PDE4B: variants seen among roughly 807,000 people sequenced by gnomAD.
PDE4B encodes phosphodiesterase 4B.
Under a neutral mutation model 82.2 loss-of-function variants are expected in PDE4B, and 20 were observed. The observed-to-expected ratio is 0.24, with a 90% CI of 0.17 to 0.35. The LOEUF (loss-of-function observed/expected upper bound fraction) is 0.35. PDE4B is among the 10% of genes least tolerant of loss of function. The pLI is 1.00. For missense variants in PDE4B, 655 were observed against 907.2 expected (o/e 0.72, Z 3.57); for synonymous variants, 320 against 318.9 (o/e 1.00, Z -0.04).
At chr1:66,022,549 C>T (rs1256745380) in intron 3 of PDE4B, among the ~76,000 whole-genome samples, 1 of 152,140 alleles carries the variant, frequency 6.6e-6, no homozygotes, top group South Asian at 2.1e-4. Context: ...GCCCTTTCTG[C>T]ATCTATTGTG....
intron 3 of PDE4B, among the ~76,000 whole-genome samples, chr1:66,244,280 ATGT>A (rs1367553622): frequency 2.6e-5 from 4 of 152,162 alleles, no homozygotes; most frequent in African/African-American, 9.7e-5. Context: ...GCTAGTAATG[ATGT>A]TGTTCTTTTC....
chr1:65,795,726 G>A (rs1388320884), intron 1 of PDE4B, among the ~76,000 whole-genome samples: 2 of 152,220 alleles, frequency 1.3e-5, no homozygotes, highest in African/African-American at 4.8e-5. Flanking sequence ...TAGCTCTGGA[G>A]CTCCCTGAGG....
chr1:66,048,865 A>C (rs1439616406), intron 3 of PDE4B: 1 of 152,018 alleles, frequency 6.6e-6, no homozygotes, highest in South Asian at 2.1e-4. Context: ...ACATATCAGT[A>C]AGTGAGTGAT....
intron 7 of PDE4B, among the ~76,000 whole-genome samples, chr1:66,276,663 G>A (rs1018791577): frequency 2.0e-5 from 3 of 152,170 alleles, no homozygotes; most frequent in African/African-American, 7.2e-5. Flanking sequence ...TTTAATAAAC[G>A]TGTTAAATTC....
intron 3 of PDE4B, among the ~76,000 whole-genome samples, chr1:66,006,485 C>A (rs1652157746): frequency 6.6e-6 from 1 of 152,174 alleles, no homozygotes; most frequent in Non-Finnish European, 1.5e-5. Context: ...GTGGTTTGCA[C>A]CTGTAATTCC....
chr1:66,151,323 T>A (rs1224690694), intron 3 of PDE4B, among the ~76,000 whole-genome samples: 1 of 152,168 alleles, frequency 6.6e-6, no homozygotes, highest in Non-Finnish European at 1.5e-5. Context: ...ATCTCATTAG[T>A]CTGGTTAATG....
At chr1:66,202,358 T>C (rs1270153741) in intron 3 of PDE4B, among the ~76,000 whole-genome samples, 1 of 152,218 alleles carries the variant, frequency 6.6e-6, no homozygotes, top group Non-Finnish European at 1.5e-5. Flanking sequence ...AGATATCTAT[T>C]AGGTCCACTT....
At chr1:65,811,086 T>G (rs185080137) in intron 1 of PDE4B, among the ~76,000 whole-genome samples, 46 of 152,322 alleles carry the variant, frequency 3.0e-4, no homozygotes, top group African/African-American at 1.1e-3. Context: ...CCAAAAATGC[T>G]TCAGACATTA....
chr1:65,830,615 C>T (rs542302132), intron 1 of PDE4B, among the ~76,000 whole-genome samples: 1 of 152,264 alleles, frequency 6.6e-6, no homozygotes, highest in South Asian at 2.1e-4. Context: ...AATTGAGCAA[C>T]ATTCTACAAA....
chr1:66,315,360 C>A (rs561703278), intron 7 of PDE4B, among the ~76,000 whole-genome samples: 5 of 152,314 alleles, frequency 3.3e-5, no homozygotes, highest in African/African-American at 1.2e-4. Context: ...GAAAATTCCA[C>A]ACTCAACCCC....
intron 7 of PDE4B, among the ~76,000 whole-genome samples, chr1:66,303,436 G>A (rs891989626): frequency 2.0e-5 from 3 of 151,390 alleles, no homozygotes; most frequent in African/African-American, 7.3e-5. Context: ...TAGACTTTTT[G>A]TTTATGGTAA....
intron 3 of PDE4B, among the ~76,000 whole-genome samples, chr1:66,105,176 G>A (rs1025253778): frequency 6.7e-6 from 1 of 149,770 alleles, no homozygotes; most frequent in Non-Finnish European, 1.5e-5. Context: ...AGTTTTCCCA[G>A]CACCATTTAT....
chr1:66,177,328 C>T (rs1166422805), intron 3 of PDE4B, among the ~76,000 whole-genome samples: 1 of 152,098 alleles, frequency 6.6e-6, no homozygotes, highest in Non-Finnish European at 1.5e-5. Flanking sequence ...TAATATATGC[C>T]AAATGGTTAG....
intron 3 of PDE4B, among the ~76,000 whole-genome samples, chr1:66,155,860 TATC>T (rs1646493249): frequency 1.3e-5 from 2 of 152,220 alleles, no homozygotes; most frequent in South Asian, 4.1e-4. Flanking sequence ...TACTGACATT[TATC>T]ATCTAAATTC....
At position 66,283,858 on chromosome 1, in the gene PDE4B, G is replaced by A. The variant is rs753799504; in HGVS notation, c.634+17771G>A. Among the ~76,000 whole-genome samples, 3 of 152,064 alleles carry A rather than the reference G, an allele frequency of 2.0e-5. No individual in the cohort carries two copies. The South Asian group carries it at 6.2e-4, about 31-fold the overall frequency. ...TGCTTACTTTTAATGGGTTTTCTGT[G>A]TCAGAGAGAGAGAAGGGAGAGAGAG... On this transcript the variant is annotated intron_variant, in intron 7 of 16. Transcript: ENST00000341517.
chr1:65,838,209 C>T (rs575275729), intron 1 of PDE4B, among the ~76,000 whole-genome samples: 119 of 151,940 alleles, frequency 7.8e-4, no homozygotes, highest in African/African-American at 2.6e-3. Context: ...TCCGTAAGAA[C>T]GGACATTATT....
At chr1:66,188,210 T>C (rs1487575725) in intron 3 of PDE4B, among the ~76,000 whole-genome samples, 2 of 152,128 alleles carry the variant, frequency 1.3e-5, no homozygotes, top group African/African-American at 2.4e-5. Flanking sequence ...CAGTTTGTTA[T>C]AATTTCTGTT....
At chr1:66,065,286 C>T (rs1202999608) in intron 3 of PDE4B, among the ~76,000 whole-genome samples, 3 of 151,758 alleles carry the variant, frequency 2.0e-5, no homozygotes, top group Non-Finnish European at 4.4e-5. Context: ...GTGGTTATTA[C>T]CGTATGTCAT....
chr1:66,050,128 A>G (rs1018202609), intron 3 of PDE4B, among the ~76,000 whole-genome samples: 2 of 152,236 alleles, frequency 1.3e-5, no homozygotes, highest in Non-Finnish European at 1.5e-5. Flanking sequence ...AGAATACAGG[A>G]TATACACTGT....
Sources: gnomAD v4.1 joint callset for allele counts (sites outside exome capture counted in the v4.1 genomes callset) on GRCh38, gnomAD v4.1.1 for gene constraint, MANE v1.5 for transcripts, NCBI Gene and HGNC (gene_info 2026-07-23, HGNC 2026-07-21) for gene names.